The following CDK13 variants were observed in gnomAD, a reference collection of about 807,000 sequenced individuals.
CDK13 encodes cyclin-dependent kinase 13.
CDK13 carries 40 observed loss-of-function variants against 137.6 expected under a neutral mutation model. The ratio of observed to expected loss-of-function variants is 0.29; its 90% CI spans 0.23 to 0.38. The LOEUF (loss-of-function observed/expected upper bound fraction) is 0.38. Among genes scored for constraint, CDK13 ranks in the 10% least tolerant of loss-of-function variants. The pLI is 1.00. For synonymous variants in CDK13, 869 were observed against 760.1 expected (o/e 1.14, Z -2.36); for missense variants, 1,704 against 1,951.8 (o/e 0.87, Z 2.39).
At chr7:39,966,326 C>A (rs1783869493) in intron 1 of CDK13, among the ~76,000 whole-genome samples, 1 of 152,060 alleles carries the variant, frequency 6.6e-6, no homozygotes, top group Non-Finnish European at 1.5e-5. Flanking sequence ...TCTTTTTATT[C>A]TTTTTTTTCT....
chr7:40,005,075 G>A (rs1784768519), intron 5 of CDK13, among the ~76,000 whole-genome samples: 1 of 151,664 alleles, frequency 6.6e-6, no homozygotes, highest in Non-Finnish European at 1.5e-5. Flanking sequence ...TCAGGAGGCT[G>A]AAGCAGGAGA....
chr7:40,094,899 A>G lies in CDK13; in HGVS notation c.4458A>G (p.Gln1486=), dbSNP rs374341625. The G allele has an allele frequency of 6.1e-5, 92 of 1,510,184 alleles. No homozygotes were observed. In the Middle Eastern group the frequency reaches 8.9e-4, roughly 15 times the overall value. 93.5% of individuals were successfully genotyped at this position (1,510,184 alleles called of 1,614,324 possible). ...MHGQTWTSPA[Q]GPGYSQGYRG... ...GACAGACCTGGACTTCTCCTGCCCA[A>G]GGACCTGGATATTCACAAGGATACA... is the stretch of plus-strand genomic sequence containing the variant. Residue 1486 remains glutamine, a synonymous_variant, in exon 14 of 14, where the codon CAA becomes CAG. Coordinates refer to ENST00000181839, the MANE Select transcript of CDK13 (RefSeq NM_003718.5).
chr7:40,043,961 A>C (rs1236438902), intron 5 of CDK13, among the ~76,000 whole-genome samples: 1 of 147,128 alleles, frequency 6.8e-6, no homozygotes, highest in Non-Finnish European at 1.5e-5. Context: ...CAGTGGCACC[A>C]CCTCGGCTCA....
intron 5 of CDK13, among the ~76,000 whole-genome samples, chr7:40,032,259 C>G (rs896726296): frequency 1.3e-5 from 2 of 152,110 alleles, no homozygotes; most frequent in Non-Finnish European, 1.5e-5. Context: ...TTTGGAGAGA[C>G]AGGGTTTTGC....
intron 9 of CDK13, chr7:40,072,279 A>G (rs554087957): frequency 1.3e-4 from 20 of 152,370 alleles, no homozygotes; most frequent in African/African-American, 4.8e-4. Flanking sequence ...GGTGCGCACC[A>G]CCACACCCGG....
chr7:39,969,658 C>T (rs1329443126), intron 1 of CDK13, among the ~76,000 whole-genome samples: 4 of 151,778 alleles, frequency 2.6e-5, no homozygotes, highest in Non-Finnish European at 4.4e-5. Context: ...GCCTCACCTC[C>T]TCAATAAGAC....
At position 39,989,942 on chromosome 7, in the gene CDK13, C is replaced by G. The variant is rs575293355; in HGVS notation, c.1871+1684C>G. ...GGACTACAGGCGCCCGCCACCAAGC[C>G]CGGCTAATTTTTTGTATTTTTAGTA... On this transcript the variant is annotated intron_variant, in intron 2 of 13. Coordinates refer to ENST00000181839, the MANE Select transcript of CDK13 (RefSeq NM_003718.5). Among the ~76,000 whole-genome samples, 590 of 151,774 alleles carry G rather than the reference C, an allele frequency of 3.9e-3. 2 individuals carry two copies. The highest frequency in any genetic ancestry group is 4.6e-3 in the Non-Finnish European group (314 of 67,920).
chr7:40,061,749 T>G (rs1786153387), intron 7 of CDK13: 1 of 152,230 alleles, frequency 6.6e-6, no homozygotes, highest in African/African-American at 2.4e-5. Context: ...TACTTAGGAT[T>G]CTCTTCAAGC....
intron 11 of CDK13, 46 bp downstream of exon 11, chr7:40,078,897 TTATTA>T (rs1294774995): frequency 2.7e-6 from 2 of 741,570 alleles, no homozygotes; most frequent in East Asian, 6.2e-5. Context: ...ATTATTATAT[TTATTA>T]TATTAAAACA....
chr7:39,979,834 A>T (rs1784187143), intron 1 of CDK13, among the ~76,000 whole-genome samples: 1 of 152,138 alleles, frequency 6.6e-6, no homozygotes, highest in African/African-American at 2.4e-5. Context: ...CTAGTCAGAG[A>T]ACTCACGTGA....
In CDK13 at chr7:39,988,399, G is replaced by A. The variant is rs536809062; in HGVS notation, c.1871+141G>A. The A allele has an allele frequency of 2.2e-4, 132 of 602,898 alleles. 1 individual carries two copies. In the Middle Eastern group the frequency reaches 7.8e-3, roughly 36 times the overall value. The allele number at this position is 602,898 out of a possible 1,614,324, so 37.3% of individuals were successfully genotyped here. ...AGTGAATGAATTTTCTTGATTATAT[G>A]CATCTTAAAATGAAGCACATTGCAT... On this transcript the variant is annotated intron_variant, in intron 2 of 13. Coordinates refer to ENST00000181839, the MANE Select transcript of CDK13 (RefSeq NM_003718.5).
intron 4 of CDK13, 24 bp downstream of exon 4, chr7:39,999,524 T>A (rs1402559868): frequency 6.3e-7 from 1 of 1,576,350 alleles, no homozygotes; most frequent in East Asian, 2.3e-5. Context: ...GTTCTGGGGA[T>A]CTTTGGGCCT....
intron 12 of CDK13, among the ~76,000 whole-genome samples, chr7:40,091,231 C>T (rs2150546330): frequency 6.6e-6 from 1 of 152,292 alleles, no homozygotes; most frequent in South Asian, 2.1e-4. Context: ...GCCTGTAGTC[C>T]CAGCTACTCG....
chr7:40,045,760 T>G, intron 5 of CDK13, 76 bp from the exon 6 acceptor site: 2 of 972,988 alleles, frequency 2.1e-6, no homozygotes, highest in Non-Finnish European at 3.1e-6. Flanking sequence ...TACCAGCCTT[T>G]TATTGTTAAA....
intron 9 of CDK13, chr7:40,073,080 T>C (rs930695839): frequency 9.9e-5 from 15 of 152,222 alleles, no homozygotes; most frequent in Admixed American, 9.2e-4. Flanking sequence ...CCCAAAGGCA[T>C]CATTCTTCCC....
chr7:40,027,869 G>A (rs1785279365), intron 5 of CDK13, among the ~76,000 whole-genome samples: 1 of 152,054 alleles, frequency 6.6e-6, no homozygotes, highest in Non-Finnish European at 1.5e-5. Flanking sequence ...TAATCATCTT[G>A]AGACAGGATA....
At chr7:40,088,714 G>T (rs974224911) in intron 12 of CDK13, among the ~76,000 whole-genome samples, 2 of 152,092 alleles carry the variant, frequency 1.3e-5, no homozygotes, top group African/African-American at 4.8e-5. Flanking sequence ...CATAATGAGA[G>T]CTCTTTCATA....
chr7:40,043,840 AAAAG>A lies in CDK13; in HGVS notation c.2354-1992_2354-1989del, dbSNP rs1248498534. ...GAGTGAGACCCTGTCTCAAAAAAAAAAAAGAAAAGAAAAATACAGAGTTTTACAA... is the reference window on the plus strand; with the variant it reads ...GAGTGAGACCCTGTCTCAAAAAAAAAAAAAGAAAAATACAGAGTTTTACAA... On this transcript the variant is annotated intron_variant, in intron 5 of 13. Coordinates refer to ENST00000181839, the MANE Select transcript of CDK13 (RefSeq NM_003718.5). 2.4e-4 allele frequency among the ~76,000 whole-genome samples: 30 copies of A among 126,820 alleles called. 1 individual carries two copies. The highest frequency in any genetic ancestry group is 1.5e-3 in the South Asian group (4 of 2,604). 83.2% of individuals were successfully genotyped at this position (126,820 alleles called of 152,430 possible). A position where few individuals can be genotyped will look rare whatever the true frequency, so the allele number is the denominator to read the frequency against.
chr7:40,043,682 C>A (rs1402863278), intron 5 of CDK13, among the ~76,000 whole-genome samples: 2 of 151,694 alleles, frequency 1.3e-5, no homozygotes, highest in African/African-American at 4.8e-5. Flanking sequence ...GAAAAATTAG[C>A]CAGATGTGGT....
Sources: allele counts gnomAD v4.1 joint callset (sites outside exome capture counted in the v4.1 genomes callset), GRCh38; gene constraint gnomAD v4.1.1; transcripts MANE v1.5; gene names NCBI Gene and HGNC (gene_info 2026-07-23, HGNC 2026-07-21).